Variants in AIG1 observed in about 807,000 individuals in gnomAD.
The protein encoded by AIG1 is androgen induced 1.
A neutral mutation model predicts 31.4 loss-of-function variants in AIG1; 23 were observed. The observed-to-expected ratio is 0.73, with a 90% confidence interval of 0.53 to 1.04. AIG1 has a LOEUF of 1.04. AIG1 is among the 50% of genes least tolerant of loss of function. The pLI is 0.00. For synonymous variants in AIG1, 100 were observed against 110.5 expected, an observed-to-expected ratio of 0.90 and a Z score of 0.60; for missense variants, 274 against 295.0, an observed-to-expected ratio of 0.93 and a Z score of 0.52.
chr6:143,328,802 A>G lies in AIG1; in HGVS notation c.516-4480A>G, dbSNP rs138837908. Among the ~76,000 whole-genome samples the G allele has an allele frequency of 1.9e-3, 284 of 152,330 alleles. 1 individual carries two copies. The highest frequency in any genetic ancestry group is 6.5e-3 in the African/African-American group (269 of 41,566). ...ATTTAATAAAATAGACCATCCAAAAATCTTATTATGCTAATATGTGCATAT... is the reference window on the plus strand; with the variant it reads ...ATTTAATAAAATAGACCATCCAAAAGTCTTATTATGCTAATATGTGCATAT... On this transcript the variant is annotated intron_variant, in intron 4 of 5. Coordinates refer to ENST00000357847, the MANE Select transcript of AIG1 (RefSeq NM_016108.4). The surrounding 1 kb of genome is among the most constrained non-coding windows in gnomAD (Gnocchi z 4.0).
At chr6:143,212,979 G>A (rs567554536) in intron 3 of AIG1, among the ~76,000 whole-genome samples, 30 of 152,272 alleles carry the variant, frequency 2.0e-4, no homozygotes, top group African/African-American at 6.5e-4. Flanking sequence ...GAAAAAAATG[G>A]AACCACAATG....
intron 3 of AIG1, among the ~76,000 whole-genome samples, chr6:143,185,426 C>T (rs1467126636): frequency 6.6e-6 from 1 of 152,136 alleles, no homozygotes; most frequent in South Asian, 2.1e-4. Context: ...CCACACTGTA[C>T]AGCCCCTGCA....
At chr6:143,137,287 CT>C in intron 2 of AIG1, among the ~76,000 whole-genome samples, 1 of 152,178 alleles carries the variant, frequency 6.6e-6, no homozygotes, top group Non-Finnish European at 1.5e-5. Context: ...CTGTGCCTGT[CT>C]TTGCCTAAAC....
chr6:143,108,480 C>T (rs920252553), intron 1 of AIG1, among the ~76,000 whole-genome samples: 1 of 152,170 alleles, frequency 6.6e-6, no homozygotes, highest in Non-Finnish European at 1.5e-5. Flanking sequence ...GATCTAACCT[C>T]TGTTTCTAGG....
intron 3 of AIG1, among the ~76,000 whole-genome samples, chr6:143,213,050 A>G (rs973744617): frequency 1.3e-5 from 2 of 152,196 alleles, no homozygotes; most frequent in African/African-American, 4.8e-5. Context: ...ACAAATATCA[A>G]AATGGACCCC....
chr6:143,219,060 C>G (rs561529972), intron 3 of AIG1, among the ~76,000 whole-genome samples: 141 of 152,212 alleles, frequency 9.3e-4, no homozygotes, highest in African/African-American at 3.1e-3. Context: ...GAGTTACTTT[C>G]CAAAATAGCA....
intron 3 of AIG1, among the ~76,000 whole-genome samples, chr6:143,267,342 C>G (rs555930653): frequency 4.3e-4 from 66 of 152,226 alleles, no homozygotes; most frequent in Non-Finnish European, 8.5e-4. Flanking sequence ...TATTCACCCA[C>G]TTACCAAAAC....
chr6:143,228,363 C>A (rs1465871761), intron 3 of AIG1, among the ~76,000 whole-genome samples: 1 of 152,126 alleles, frequency 6.6e-6, no homozygotes, highest in Non-Finnish European at 1.5e-5. Flanking sequence ...GTGGCCAAGG[C>A]GAAGATGGAG....
chr6:143,332,651 C>T (rs1054646456), intron 4 of AIG1, among the ~76,000 whole-genome samples: 2 of 152,210 alleles, frequency 1.3e-5, no homozygotes, highest in South Asian at 2.1e-4. Flanking sequence ...GGCACAGACT[C>T]ACCTAGGTCT....
At chr6:143,273,983 A>G (rs2128669837) in intron 3 of AIG1, among the ~76,000 whole-genome samples, 1 of 152,274 alleles carries the variant, frequency 6.6e-6, no homozygotes, top group Middle Eastern at 3.4e-3. Flanking sequence ...CTCCATGACA[A>G]CAGCTTGGAG....
chr6:143,278,824 C>T lies in AIG1; in HGVS notation c.400-5286C>T, dbSNP rs562938651. Among the ~76,000 whole-genome samples, 5 of 152,236 alleles carry T rather than the reference C, an allele frequency of 3.3e-5. No individual in the cohort carries two copies. In the South Asian group the frequency reaches 1.0e-3, roughly 32 times the overall value. On this transcript the variant is annotated intron_variant, in intron 3 of 5. Coordinates refer to ENST00000357847, the MANE Select transcript of AIG1 (RefSeq NM_016108.4). ...TACTTACTAATGTCCTTATTTAACA[C>T]AGATAGGGGAGGCCTCAAAATAATC...
intron 4 of AIG1, among the ~76,000 whole-genome samples, chr6:143,296,506 A>G (rs1289545656): frequency 6.6e-6 from 1 of 152,138 alleles, no homozygotes; most frequent in Admixed American, 6.5e-5. Context: ...AGGGACCCCT[A>G]TCCTGCCCAG....
chr6:143,310,785 A>C (rs974995002), intron 4 of AIG1, among the ~76,000 whole-genome samples: 2 of 151,792 alleles, frequency 1.3e-5, no homozygotes, highest in African/African-American at 4.8e-5. Flanking sequence ...GCCTATGGAC[A>C]TTAAAAGAAT....
intron 1 of AIG1, among the ~76,000 whole-genome samples, chr6:143,124,125 A>G (rs977204933): frequency 6.6e-6 from 1 of 152,230 alleles, no homozygotes; most frequent in Non-Finnish European, 1.5e-5. Flanking sequence ...CATATATAAC[A>G]TCTTTCAGTT....
At chr6:143,194,995 T>C (rs919206263) in intron 3 of AIG1, among the ~76,000 whole-genome samples, 6 of 152,226 alleles carry the variant, frequency 3.9e-5, no homozygotes, top group Admixed American at 1.3e-4. Flanking sequence ...TACCCATTCA[T>C]GGAGATTGGC....
intron 2 of AIG1, among the ~76,000 whole-genome samples, chr6:143,142,045 A>G (rs1784286149): frequency 6.6e-6 from 1 of 152,038 alleles, no homozygotes; most frequent in African/African-American, 2.4e-5. Flanking sequence ...GAAAAAGAAC[A>G]ATTATTTATA....
At position 143,115,036 on chromosome 6, in the gene AIG1, T is replaced by A. The variant is rs956664386; in HGVS notation, c.142-21799T>A. 2.0e-5 allele frequency among the ~76,000 whole-genome samples: 3 copies of A among 152,372 alleles called. No individual in the cohort carries two copies. In the South Asian group the frequency reaches 6.2e-4, roughly 32 times the overall value. On this transcript the variant is annotated intron_variant, in intron 1 of 5. Transcript: ENST00000357847. The stretch of plus-strand genomic sequence containing the variant: ...CATCGTGAGCATTTTCTCAAGTTGC[T>A]AACCATTATTCAAAACCATGATGTC...
chr6:143,120,679 T>C (rs1782164497), intron 1 of AIG1, among the ~76,000 whole-genome samples: 1 of 152,212 alleles, frequency 6.6e-6, no homozygotes. Context: ...AGATGAGGTT[T>C]GGGTGGGGAC....
At chr6:143,183,984 A>G (rs1220427548) in intron 3 of AIG1, among the ~76,000 whole-genome samples, 1 of 152,218 alleles carries the variant, frequency 6.6e-6, no homozygotes, top group African/African-American at 2.4e-5. Flanking sequence ...ACCTCAGCAC[A>G]CATCATTGTT....
Sources: allele counts gnomAD v4.1 joint callset (sites outside exome capture counted in the v4.1 genomes callset), GRCh38; gene constraint gnomAD v4.1.1; non-coding constraint Gnocchi (gnomAD v3.1); transcripts MANE v1.5; gene names NCBI Gene and HGNC (gene_info 2026-07-23, HGNC 2026-07-21).